The following TRIO variants were observed in gnomAD, a reference collection of about 807,000 sequenced individuals.
The protein encoded by TRIO is triple functional domain protein.
Under a neutral mutation model 351.9 loss-of-function variants are expected in TRIO, and 58 were observed. That is an observed-to-expected ratio of 0.16 (90% CI 0.13 to 0.21). The LOEUF (loss-of-function observed/expected upper bound fraction) is 0.21, where lower values mean the gene tolerates loss of function less well. TRIO is among the 10% of genes least tolerant of loss of function. The probability of loss-of-function intolerance (pLI) is 1.00; values close to 1 mark genes in which losing one functional copy is unlikely to be tolerated. For synonymous variants in TRIO, 1,758 were observed against 1,595.7 expected (o/e 1.10, Z -2.42); for missense variants, 3,201 against 4,027.8 (o/e 0.79, Z 5.56).
At chr5:14,344,580 G>A (rs247140) in intron 11 of TRIO, among the ~76,000 whole-genome samples, 131,526 of 152,194 alleles carry the variant, frequency 0.86, 57,089 homozygotes, top group African/African-American at 0.92. Flanking sequence ...CTTTTCTTAG[G>A]GTAGCTGCTG....
intron 1 of TRIO, among the ~76,000 whole-genome samples, chr5:14,152,431 C>T (rs1229275709): frequency 6.6e-6 from 1 of 152,166 alleles, no homozygotes; most frequent in Admixed American, 6.5e-5. Flanking sequence ...AGTGCAATGG[C>T]GCAATCTTGG....
At chr5:14,457,013 C>T (rs1385109701) in intron 34 of TRIO, among the ~76,000 whole-genome samples, 3 of 152,078 alleles carry the variant, frequency 2.0e-5, no homozygotes, top group Non-Finnish European at 4.4e-5. Context: ...GGAATTTCTA[C>T]TGTGAAAAGA....
chr5:14,343,976 T>C (rs1742175585), intron 11 of TRIO, among the ~76,000 whole-genome samples: 1 of 152,254 alleles, frequency 6.6e-6, no homozygotes, highest in South Asian at 2.1e-4. Flanking sequence ...ATCCAGTATG[T>C]AATATTTTAG....
rs545961231 is a variant in TRIO at position 14,246,927 on chromosome 5, C to T, written c.158-23898C>T. Reference sequence around the variant, plus strand: ...CTTCAGAGTGCACCCTGGAGGTGCTCCCCTCTCCACCCTGCTCACTGAGTC... The same window carrying T: ...CTTCAGAGTGCACCCTGGAGGTGCTTCCCTCTCCACCCTGCTCACTGAGTC... On this transcript the variant is annotated intron_variant, in intron 1 of 56. Coordinates refer to ENST00000344204, the MANE Select transcript of TRIO (RefSeq NM_007118.4). Among the ~76,000 whole-genome samples the T allele has an allele frequency of 5.3e-5, 8 of 152,346 alleles. No individual in the cohort carries two copies. The South Asian group carries it at 1.7e-3, about 32-fold the overall frequency.
intron 14 of TRIO, 23 bp from the exon 15 acceptor site, chr5:14,364,627 G>A: frequency 6.3e-7 from 1 of 1,592,308 alleles, no homozygotes; most frequent in Non-Finnish European, 8.6e-7. Context: ...CTGAATTCTA[G>A]GGTCTCCCTT....
In TRIO at chr5:14,432,090, T is replaced by G. The variant is rs114700460; in HGVS notation, c.5203+12069T>G. 8.2e-3 allele frequency among the ~76,000 whole-genome samples: 1,243 copies of G among 152,266 alleles called. 11 individuals carry two copies. Among genetic ancestry groups the G allele is most frequent in the African/African-American group, 0.028 (1,176 of 41,544 alleles). On this transcript the variant is annotated intron_variant, in intron 34 of 56. Coordinates refer to ENST00000344204, the MANE Select transcript of TRIO (RefSeq NM_007118.4). ...AGGGGGCCATTGGAGCCTTAAGAAA[T>G]TAACAGTAGTAACAGAGAGCATGGG... is the stretch of plus-strand genomic sequence containing the variant.
intron 1 of TRIO, among the ~76,000 whole-genome samples, chr5:14,240,416 A>G (rs1444388766): frequency 6.6e-6 from 1 of 152,190 alleles, no homozygotes; most frequent in Admixed American, 6.5e-5. Context: ...TGTGAAAATC[A>G]CTGTAAAATT....
chr5:14,221,431 A>T (rs1367831536), intron 1 of TRIO, among the ~76,000 whole-genome samples: 2 of 152,214 alleles, frequency 1.3e-5, no homozygotes, highest in Non-Finnish European at 2.9e-5. Flanking sequence ...GCTGCCATAG[A>T]TAGTGATTCC....
chr5:14,247,996 G>A (rs908706315), intron 1 of TRIO, among the ~76,000 whole-genome samples: 4 of 151,460 alleles, frequency 2.6e-5, no homozygotes, highest in African/African-American at 9.7e-5. Context: ...AACCTGGGAG[G>A]TGGAGGTTGC....
chr5:14,438,049 A>G (rs1371187657), intron 34 of TRIO, among the ~76,000 whole-genome samples: 25 of 152,222 alleles, frequency 1.6e-4, no homozygotes, highest in Admixed American at 1.6e-3. Flanking sequence ...CCAGCCATCA[A>G]AGTAAAATGT....
At chr5:14,304,869 A>G (rs968231556) in intron 8 of TRIO, among the ~76,000 whole-genome samples, 1 of 152,148 alleles carries the variant, frequency 6.6e-6, no homozygotes, top group Non-Finnish European at 1.5e-5. Flanking sequence ...TTTTTTCTAC[A>G]TGTATTTAAG....
chr5:14,330,678 CAG>C, intron 9 of TRIO, 98 bp from the exon 10 acceptor site: 3 of 1,367,904 alleles, frequency 2.2e-6, no homozygotes, highest in Admixed American at 5.3e-5. Flanking sequence ...TTGTTTCTTA[CAG>C]AGTTTTAACA....
rs752570241 is a variant in TRIO at position 14,363,893 on chromosome 5, T to C, written c.2553T>C (p.Asp851=). Residue 851 remains aspartate (D), a synonymous_variant, in exon 14 of 57, where the codon GAT becomes GAC. Transcript: ENST00000344204. ...LTFDVIHQGQ[D]LLQYVNEVQA... ...TTGACGTCATCCACCAAGGGCAAGA[T>C]CTTCTGCAGTATGTCAATGAGGTCC... is the stretch of plus-strand genomic sequence containing the variant. The C allele has an allele frequency of 2.5e-6, 4 of 1,614,172 alleles. No individual in the cohort carries two copies. In the South Asian group the frequency reaches 4.4e-5, roughly 18 times the overall value.
At chr5:14,507,632 T>A (rs1757800306) in intron 56 of TRIO, among the ~76,000 whole-genome samples, 1 of 152,098 alleles carries the variant, frequency 6.6e-6, no homozygotes, top group Non-Finnish European at 1.5e-5. Context: ...CTGGTTTCAT[T>A]AGGCTACTTG....
intron 1 of TRIO, among the ~76,000 whole-genome samples, chr5:14,152,606 G>A (rs932290988): frequency 6.6e-6 from 1 of 152,076 alleles, no homozygotes; most frequent in African/African-American, 2.4e-5. Context: ...TCCTGACCTC[G>A]TGATCCACCC....
chr5:14,222,904 G>T (rs570541562), intron 1 of TRIO, among the ~76,000 whole-genome samples: 114 of 152,352 alleles, frequency 7.5e-4, no homozygotes, highest in South Asian at 6.2e-4. Flanking sequence ...TACTTGGAGA[G>T]AATCAGATGG....
Position 14,426,679 on chromosome 5 carries a change from C to T in TRIO, c.5203+6658C>T, listed in dbSNP as rs60706057. Among the ~76,000 whole-genome samples, 866 of 152,260 alleles carry T rather than the reference C, an allele frequency of 5.7e-3. 12 individuals carry two copies. The highest frequency in any genetic ancestry group is 0.02 in the African/African-American group (834 of 41,528). On this transcript the variant is annotated intron_variant, in intron 34 of 56. Coordinates refer to ENST00000344204, the MANE Select transcript of TRIO (RefSeq NM_007118.4). The stretch of plus-strand genomic sequence containing the variant: ...CTCGGTAGAGAAAGCAGCGAGTCTC[C>T]GCAGATGGCCGGCACTGAGAGCCAG...
At position 14,508,300 on chromosome 5, in the gene TRIO, A is replaced by T; in HGVS notation, c.9172A>T (p.Thr3058Ser). 2 of 1,613,914 alleles carry T rather than the reference A, an allele frequency of 1.2e-6. No homozygotes were observed. The highest frequency in any genetic ancestry group is 1.7e-6 in the Non-Finnish European group (2 of 1,180,048). The change falls in exon 57 of 57, where the codon ACG becomes TCG. Residue 3058 changes from threonine to serine, a missense_variant. Around this residue, in one of 19 missense-constraint regions of TRIO, gnomAD observed 233 missense variants for 292.6 expected, o/e 0.80. Coordinates refer to ENST00000344204, the MANE Select transcript of TRIO (RefSeq NM_007118.4). ...GCTGCAGGCCGGCAACGGCAGAAGC[A>T]CGGGCGTCCTCGACACGTCCAGACT... ...QWLQAGNGRS[T>S]GVLDTSRLTS...
At chr5:14,481,398 A>G (rs1001831874) in intron 44 of TRIO, 114 bp downstream of exon 44, 114 of 1,485,902 alleles carry the variant, frequency 7.7e-5, no homozygotes, top group Non-Finnish European at 9.6e-5. Flanking sequence ...AGTGGATGAC[A>G]GAGTCTCTCC....
Sources: gnomAD v4.1 joint callset for allele counts (sites outside exome capture counted in the v4.1 genomes callset) on GRCh38, gnomAD v4.1.1 for gene constraint, gnomAD v4.1.1 regional missense constraint, MANE v1.5 for transcripts, NCBI Gene and HGNC (gene_info 2026-07-23, HGNC 2026-07-21) for gene names.